Variants in IQCF3 observed in about 807,000 individuals in gnomAD.
IQCF3 encodes IQ motif containing F3.
A neutral mutation model predicts 5.1 loss-of-function variants in IQCF3; 7 were observed. That is an observed-to-expected ratio of 1.36 (90% CI 0.78 to 2.56). The LOEUF is 2.56. Among genes scored for constraint, IQCF3 ranks in the 30% most tolerant of loss-of-function variants. The pLI, the probability that IQCF3 is intolerant of heterozygous loss-of-function variation, is 0.00. For missense variants in IQCF3, 189 were observed against 196.5 expected, an observed-to-expected ratio of 0.96 and a Z score of 0.23; for synonymous variants, 82 against 72.8, an observed-to-expected ratio of 1.13 and a Z score of -0.64.
chr3:51,829,346 GCACTGTGGCCC>G, upstream of IQCF3: 3 of 991,340 alleles, frequency 3.0e-6, no homozygotes, highest in Non-Finnish European at 4.7e-6. Context: ...CCTGGAAAAG[GCACTGTGGCCC>G]CTGGTCATAG....
chr3:51,830,311 C>CA lies in IQCF3; in HGVS notation c.67-88dup. 1 of 1,469,158 alleles carries CA rather than the reference C, an allele frequency of 6.8e-7. No individual in the cohort carries two copies. The highest frequency in any genetic ancestry group is 2.3e-5 in the East Asian group (1 of 43,472). 91.0% of individuals were successfully genotyped at this position (1,469,158 alleles called of 1,614,324 possible). On this transcript the variant is annotated intron_variant, in intron 2 of 2. Coordinates refer to ENST00000440739, the MANE Select transcript of IQCF3 (RefSeq NM_001393887.1). This position sits in a 1 kb window ranked among gnomAD's most constrained non-coding sequence, Gnocchi z 4.1. ...ACCCCACCCAGGTCTCCTGGGTCCT[C>CA]AAAACCAGCAGGGAGAGGGCTGATT...
chr3:51,829,753 G>C, intron 2 of IQCF3, 41 bp downstream of exon 2: 1 of 1,590,348 alleles, frequency 6.3e-7, no homozygotes, highest in Non-Finnish European at 8.6e-7. Flanking sequence ...GCAGATCATT[G>C]ACTCTTTGAT....
chr3:51,829,351 G>C, upstream of IQCF3: 1 of 1,059,850 alleles, frequency 9.4e-7, no homozygotes, highest in Middle Eastern at 2.0e-4. Flanking sequence ...AAAAGGCACT[G>C]TGGCCCCTGG....
Position 51,829,893 on chromosome 3 carries a change from G to A in IQCF3, c.66+181G>A, listed in dbSNP as rs538315728. On this transcript the variant is annotated intron_variant, in intron 2 of 2. Transcript: ENST00000440739. ...AGTAAAAGGGGAGGAAGTTTCGTGCGCACAGCCACCTGATAGGTGGGGCTC... is the reference window on the plus strand; with the variant it reads ...AGTAAAAGGGGAGGAAGTTTCGTGCACACAGCCACCTGATAGGTGGGGCTC... The A allele has an allele frequency of 6.0e-4, 380 of 629,514 alleles. 1 individual carries two copies. Among genetic ancestry groups the A allele is most frequent in the Admixed American group, 1.7e-3 (62 of 36,628 alleles). 39.0% of individuals were successfully genotyped at this position (629,514 alleles called of 1,614,324 possible). A position where few individuals can be genotyped will look rare whatever the true frequency, so the allele number is the denominator to read the frequency against.
In IQCF3 at chr3:51,830,270, C is replaced by T. The variant is rs1342664497; in HGVS notation, c.67-133C>T. ...AGGGTGTCCAGAGCCATGAACAGGA[C>T]AGAAGTAGAGGACAAACCCCACCCA... On this transcript the variant is annotated intron_variant, in intron 2 of 2. Coordinates refer to ENST00000440739, the MANE Select transcript of IQCF3 (RefSeq NM_001393887.1). This position sits in a 1 kb window ranked among gnomAD's most constrained non-coding sequence, Gnocchi z 4.1. 4 of 899,282 alleles carry T rather than the reference C, an allele frequency of 4.4e-6. No homozygotes were observed. The highest frequency in any genetic ancestry group is 6.7e-6 in the Non-Finnish European group (4 of 596,436). 55.7% of individuals were successfully genotyped at this position (899,282 alleles called of 1,614,324 possible). A position where few individuals can be genotyped will look rare whatever the true frequency, so the allele number is the denominator to read the frequency against.
chr3:51,830,617 T>C lies in IQCF3; in HGVS notation c.281T>C (p.Val94Ala), dbSNP rs1577608702. Residue 94 changes from valine to alanine, a missense_variant, in exon 3 of 3, where the codon GTC (valine) becomes GCC (alanine). Coordinates refer to ENST00000440739, the MANE Select transcript of IQCF3 (RefSeq NM_001393887.1). This position sits in a 1 kb window ranked among gnomAD's most constrained non-coding sequence, Gnocchi z 4.1. Reference protein sequence around the residue: ...RVYVIQEQATVKLQSCIRMWQ... With the variant: ...RVYVIQEQATAKLQSCIRMWQ... ...TACGTCATCCAGGAGCAGGCGACGG[T>C]CAAGCTCCAGTCCTGCATCCGCATG... 6.2e-7 allele frequency: 1 copy of C among 1,613,906 alleles called. No homozygotes were observed. The highest frequency in any genetic ancestry group is 8.5e-7 in the Non-Finnish European group (1 of 1,179,862).
At chr3:51,829,570 G>A (rs1389076636) in intron 1 of IQCF3, 77 bp downstream of exon 1, 1 of 1,592,076 alleles carries the variant, frequency 6.3e-7, no homozygotes. Flanking sequence ...CCACTTCTTA[G>A]GACCCAGGCA....
chr3:51,829,566 C>T, intron 1 of IQCF3, 73 bp downstream of exon 1: 2 of 1,591,196 alleles, frequency 1.3e-6, no homozygotes, highest in South Asian at 2.3e-5. Flanking sequence ...CAGGCCACTT[C>T]TTAGGACCCA....
intron 2 of IQCF3, 113 bp downstream of exon 2, chr3:51,829,825 C>A: frequency 9.7e-7 from 1 of 1,032,112 alleles, no homozygotes; most frequent in Non-Finnish European, 1.5e-6. Flanking sequence ...TCCCCTCAAG[C>A]CCTCCCTCTC....
chr3:51,828,525 T>C (rs1171916947), upstream of IQCF3: 1 of 152,242 alleles, frequency 6.6e-6, no homozygotes, highest in Non-Finnish European at 1.5e-5. Flanking sequence ...GGATGAAGCC[T>C]ACTTGATCGT....
Position 51,829,719 on chromosome 3 carries a change from G to A in IQCF3, c.66+7G>A. On this transcript the variant is annotated splice_region_variant and intron_variant, in intron 2 of 2. Coordinates refer to ENST00000440739, the MANE Select transcript of IQCF3 (RefSeq NM_001393887.1). ...AAGACAGAGGCGGCAGAAGGTAGGT[G>A]GGGCCCAGGAGGGTGAGAGAATTGC... The A allele has an allele frequency of 6.2e-7, 1 of 1,613,454 alleles. No homozygotes were observed. The highest frequency in any genetic ancestry group is 2.2e-5 in the East Asian group (1 of 44,886).
chr3:51,828,958 TG>T (rs1698325969), upstream of IQCF3, among the ~76,000 whole-genome samples: 1 of 152,230 alleles, frequency 6.6e-6, no homozygotes. Flanking sequence ...TAGTCTCTGA[TG>T]GTTATTTTTA....
At position 51,830,473 on chromosome 3, in the gene IQCF3, G is replaced by T. The variant is rs767555727; in HGVS notation, c.137G>T (p.Gly46Val). The T allele has an allele frequency of 6.2e-7, 1 of 1,608,194 alleles. No individual in the cohort carries two copies. Among genetic ancestry groups the T allele is most frequent in the Non-Finnish European group, 8.5e-7 (1 of 1,177,438 alleles). Residue 46 changes from glycine to valine, a missense_variant, in exon 3 of 3, where the codon GGG (glycine) becomes GTG (valine). Physicochemically the swap from Gly to Val is moderately radical, Grantham distance 109. Coordinates refer to ENST00000440739, the MANE Select transcript of IQCF3 (RefSeq NM_001393887.1). The surrounding 1 kb of genome is among the most constrained non-coding windows in gnomAD (Gnocchi z 4.1). The part of the protein sequence containing the change: ...AAGQIQAWWR[G>V]VLVRRTLLVA... ...GGGCAGATCCAGGCCTGGTGGCGTG[G>T]GGTCCTGGTGCGCAGGACCCTGCTG...
At chr3:51,827,437 T>G (rs1245893015), upstream of IQCF3, 1 of 152,086 alleles carries the variant, frequency 6.6e-6, no homozygotes, top group Non-Finnish European at 1.5e-5. Flanking sequence ...AAAATAGTTG[T>G]CTCAGTGATG....
upstream of IQCF3, among the ~76,000 whole-genome samples, chr3:51,827,855 T>G (rs1478249313): frequency 6.6e-6 from 1 of 152,130 alleles, no homozygotes; most frequent in Non-Finnish European, 1.5e-5. Context: ...GTTGTTTCCC[T>G]TTGTGTCCAT....
At position 51,829,442 on chromosome 3, in the gene IQCF3, A is replaced by C; in HGVS notation, c.-34A>C. On this transcript the variant is annotated 5_prime_UTR_variant, in exon 1 of 3. Transcript: ENST00000440739. ...GCCAAGATCAGGAAACAGCAACCAG[A>C]GGGAGATGATCACCTGAACCACTGC... The C allele has an allele frequency of 6.3e-7, 1 of 1,589,540 alleles. No homozygotes were observed.
intron 2 of IQCF3, 143 bp downstream of exon 2, chr3:51,829,855 T>C: frequency 1.2e-6 from 1 of 801,132 alleles, no homozygotes; most frequent in East Asian, 2.7e-5. Flanking sequence ...CTGAGTAAGG[T>C]ATGGAGATAG....
At chr3:51,829,385 C>A, upstream of IQCF3, 1 of 1,451,446 alleles carries the variant, frequency 6.9e-7, no homozygotes, top group Non-Finnish European at 9.5e-7. Context: ...TGTGACATCA[C>A]GGCCATCTCT....
At chr3:51,829,861 G>A (rs947845862) in intron 2 of IQCF3, 149 bp downstream of exon 2, 1 of 763,324 alleles carries the variant, frequency 1.3e-6, no homozygotes, top group African/African-American at 1.7e-5. Context: ...AAGGTATGGA[G>A]ATAGACAGTA....
Sources: allele counts gnomAD v4.1 joint callset (sites outside exome capture counted in the v4.1 genomes callset), GRCh38; gene constraint gnomAD v4.1.1; non-coding constraint Gnocchi (gnomAD v3.1); transcripts MANE v1.5; gene names NCBI Gene and HGNC (gene_info 2026-07-23, HGNC 2026-07-21).